ASIC2: variants seen among roughly 807,000 people sequenced by gnomAD.
ASIC2 encodes the protein acid sensing ion channel subunit 2.
In ASIC2, 25 loss-of-function variants were observed where a neutral mutation model predicts 57.3. The observed-to-expected ratio is 0.44, with a 90% confidence interval of 0.32 to 0.61. The LOEUF is 0.61. ASIC2 is among the 20% of genes least tolerant of loss of function. The pLI is 0.06. For missense variants in ASIC2, 641 were observed against 738.1 expected, an observed-to-expected ratio of 0.87 and a Z score of 1.52; for synonymous variants, 319 against 307.5, an observed-to-expected ratio of 1.04 and a Z score of -0.39.
chr17:33,478,396 C>T (rs1252156179), intron 1 of ASIC2, among the ~76,000 whole-genome samples: 1 of 152,218 alleles, frequency 6.6e-6, no homozygotes, highest in Non-Finnish European at 1.5e-5. Flanking sequence ...TCTTGGTCTC[C>T]GTAAATAGCA....
intron 1 of ASIC2, among the ~76,000 whole-genome samples, chr17:33,463,530 C>G (rs903557368): frequency 6.6e-6 from 1 of 152,188 alleles, no homozygotes; most frequent in Non-Finnish European, 1.5e-5. Context: ...GGCTGTGTCT[C>G]CCCCAGAATA....
chr17:33,162,581 C>A (rs1905192685), intron 1 of ASIC2, among the ~76,000 whole-genome samples: 1 of 152,156 alleles, frequency 6.6e-6, no homozygotes, highest in Non-Finnish European at 1.5e-5. Context: ...GCCCTGATCC[C>A]CACTCTGGAA....
chr17:33,228,621 A>C (rs557958430), intron 1 of ASIC2, among the ~76,000 whole-genome samples: 1 of 152,394 alleles, frequency 6.6e-6, no homozygotes, highest in South Asian at 2.1e-4. Context: ...AACTTCTAGC[A>C]TGTGAGAGTG....
chr17:33,750,880 C>T (rs905278496), intron 1 of ASIC2, among the ~76,000 whole-genome samples: 2 of 152,148 alleles, frequency 1.3e-5, no homozygotes, highest in Non-Finnish European at 1.5e-5. Flanking sequence ...TAAAACACAT[C>T]CATCCAGTTT....
chr17:33,506,587 T>C (rs1051623855), intron 1 of ASIC2, among the ~76,000 whole-genome samples: 1 of 152,160 alleles, frequency 6.6e-6, no homozygotes, highest in Non-Finnish European at 1.5e-5. Flanking sequence ...TGTGTGTGTG[T>C]ACCGTGTACA....
chr17:33,579,850 C>T (rs1374850231), intron 1 of ASIC2, among the ~76,000 whole-genome samples: 1 of 152,164 alleles, frequency 6.6e-6, no homozygotes, highest in East Asian at 1.9e-4. Flanking sequence ...CATTTATTCC[C>T]TTATTTGGCC....
At chr17:33,759,307 C>A (rs1435411133) in intron 1 of ASIC2, among the ~76,000 whole-genome samples, 1 of 152,024 alleles carries the variant, frequency 6.6e-6, no homozygotes, top group Non-Finnish European at 1.5e-5. Context: ...GCATATCTGG[C>A]GGAAAAAATT....
chr17:33,097,765 T>C (rs1355300321), intron 2 of ASIC2, among the ~76,000 whole-genome samples: 2 of 152,202 alleles, frequency 1.3e-5, no homozygotes, highest in Non-Finnish European at 2.9e-5. Context: ...TCAGTGAGTG[T>C]GGGACAGCGA....
chr17:33,878,033 C>A (rs1597913204), intron 1 of ASIC2, among the ~76,000 whole-genome samples: 1 of 152,220 alleles, frequency 6.6e-6, no homozygotes, highest in Non-Finnish European at 1.5e-5. Flanking sequence ...TCCAACAGAC[C>A]TGCAGCTGAG....
intron 1 of ASIC2, among the ~76,000 whole-genome samples, chr17:34,074,350 T>G (rs1340984782): frequency 1.3e-5 from 2 of 152,190 alleles, no homozygotes; most frequent in South Asian, 4.1e-4. Flanking sequence ...ATTATTGCCC[T>G]TTAACAAATA....
intron 1 of ASIC2, among the ~76,000 whole-genome samples, chr17:33,784,530 A>G (rs1404002001): frequency 6.6e-6 from 1 of 152,228 alleles, no homozygotes; most frequent in Non-Finnish European, 1.5e-5. Context: ...CAGAAGCCCA[A>G]ATTAAAAAGG....
chr17:33,712,807 G>A lies in ASIC2; in HGVS notation c.555+443171C>T, dbSNP rs533074667. On this transcript the variant is annotated intron_variant, in intron 1 of 9. Coordinates refer to the ASIC2 transcript ENST00000359872. The stretch of plus-strand genomic sequence containing the variant: ...ACTACAGGCGCCCGCCACTACGCCC[G>A]GCTAATTTTTTGTATTTTTAGTAGA... Among the ~76,000 whole-genome samples the A allele has an allele frequency of 4.6e-5, 7 of 151,168 alleles. No individual in the cohort carries two copies. In the South Asian group the frequency reaches 8.5e-4, roughly 18 times the overall value.
intron 1 of ASIC2, among the ~76,000 whole-genome samples, chr17:33,433,431 G>GA (rs1911487574): frequency 1.3e-5 from 2 of 152,280 alleles, no homozygotes; most frequent in African/African-American, 4.8e-5. Flanking sequence ...AGAGGATCAG[G>GA]AAAAAATAAC....
intron 1 of ASIC2, among the ~76,000 whole-genome samples, chr17:33,132,376 G>A (rs1182065371): frequency 6.6e-6 from 1 of 152,130 alleles, no homozygotes; most frequent in African/African-American, 2.4e-5. Flanking sequence ...AACCGGTTAA[G>A]TGTTTAGAAT....
At chr17:34,044,104 ACACACACACACACACACACACG>A (rs1312540881) in intron 1 of ASIC2, among the ~76,000 whole-genome samples, 4 of 138,748 alleles carry the variant, frequency 2.9e-5, no homozygotes, top group Non-Finnish European at 6.2e-5. Flanking sequence ...CTTGAATCAC[ACACACACACACACACACACACG>A]CACGCACACA....
At chr17:33,626,403 GC>G (rs1905985612) in intron 1 of ASIC2, among the ~76,000 whole-genome samples, 1 of 152,090 alleles carries the variant, frequency 6.6e-6, no homozygotes, top group Non-Finnish European at 1.5e-5. Context: ...AGATTCACTA[GC>G]TTTTTTAAAC....
chr17:34,037,452 A>G, intron 1 of ASIC2: 1 of 666,190 alleles, frequency 1.5e-6, no homozygotes, highest in Non-Finnish European at 2.4e-6. Context: ...TTTCTCCTCA[A>G]TGAGAATCGA....
intron 1 of ASIC2, among the ~76,000 whole-genome samples, chr17:33,925,277 A>C (rs1429343904): frequency 6.6e-6 from 1 of 152,244 alleles, no homozygotes; most frequent in Non-Finnish European, 1.5e-5. Flanking sequence ...AATGAGGAGA[A>C]GAATATAAGC....
At chr17:33,269,621 T>C (rs1321436000) in intron 1 of ASIC2, among the ~76,000 whole-genome samples, 3 of 41,622 alleles carry the variant, frequency 7.2e-5, no homozygotes, top group Non-Finnish European at 1.6e-4. Flanking sequence ...TTCCCTTCCT[T>C]CCTTCCTTCC....
Sources: allele counts gnomAD v4.1 joint callset (sites outside exome capture counted in the v4.1 genomes callset), GRCh38; gene constraint gnomAD v4.1.1; transcripts MANE v1.5; gene names NCBI Gene and HGNC (gene_info 2026-07-23, HGNC 2026-07-21).